Variants in NAE1 observed in about 807,000 individuals in gnomAD.
NAE1 encodes NEDD8-activating enzyme E1 regulatory subunit.
NAE1 carries 59 observed loss-of-function variants against 88.0 expected under a neutral mutation model. The observed-to-expected ratio is 0.67, with a 90% CI of 0.54 to 0.83. The LOEUF (loss-of-function observed/expected upper bound fraction) is 0.83, where lower values mean the gene tolerates loss of function less well. Among genes scored for constraint, NAE1 ranks in the 40% least tolerant of loss-of-function variants. The pLI, the probability that NAE1 is intolerant of heterozygous loss-of-function variation, is 0.00. For synonymous variants in NAE1, 186 were observed against 208.9 expected (o/e 0.89, Z 0.95); for missense variants, 554 against 632.8 (o/e 0.88, Z 1.34).
intron 19 of NAE1, 63 bp from the exon 20 acceptor site, chr16:66,803,181 A>G: frequency 8.9e-7 from 1 of 1,124,290 alleles, no homozygotes; most frequent in Non-Finnish European, 1.3e-6. Flanking sequence ...TACATACTCA[A>G]TTCTGTAAAG....
intron 1 of NAE1, 42 bp downstream of exon 1, chr16:66,830,805 A>AAGCCCGCC (rs1333577616): frequency 6.6e-7 from 1 of 1,504,224 alleles, no homozygotes; most frequent in Non-Finnish European, 8.8e-7. Flanking sequence ...GAATGCTGGA[A>AAGCCCGCC]AGCCCGCCGG....
At position 66,826,721 on chromosome 16, in the gene NAE1, GCATTT is replaced by G. The variant is rs1292455306; in HGVS notation, c.108_112del (p.Ala38SerfsTer5). ...AAGAATTTCAGTTCCTGTGGCTGTT[GCATTT>G]ATTAGGCAAACATGAGCAGATTCTA... On this transcript the variant is annotated frameshift_variant, in exon 2 of 20. Transcript: ENST00000290810. LOFTEE classifies it high-confidence loss of function. The G allele has an allele frequency of 1.9e-6, 3 of 1,613,960 alleles. No homozygotes were observed. The highest frequency in any genetic ancestry group is 2.5e-6 in the Non-Finnish European group (3 of 1,180,008).
rs781707598 is a variant in NAE1 at position 66,830,950 on chromosome 16, C to G, written c.-51G>C. On this transcript the variant is annotated 5_prime_UTR_variant, in exon 1 of 20. Coordinates refer to ENST00000290810, the MANE Select transcript of NAE1 (RefSeq NM_003905.4). The stretch of plus-strand genomic sequence containing the variant: ...GCCGAGCCCCTGCGGAGCGCCGCCA[C>G]CAGCTCCACAAGCGCGCAGGCGCAC... The G allele has an allele frequency of 6.8e-7, 1 of 1,474,132 alleles. No individual in the cohort carries two copies. The highest frequency in any genetic ancestry group is 1.5e-5 in the African/African-American group (1 of 67,772). The allele number at this position is 1,474,132 out of a possible 1,614,324, so 91.3% of individuals were successfully genotyped here.
rs376854256 is a variant in NAE1, at chr16:66,813,696, G to C, written c.902C>G (p.Thr301Ser). The C allele has an allele frequency of 4.3e-6, 7 of 1,612,100 alleles. No homozygotes were observed. Among genetic ancestry groups the C allele is most frequent in the Non-Finnish European group, 5.9e-6 (7 of 1,179,188 alleles). The change falls in exon 13 of 20, where the codon ACT becomes AGT. Residue 301 changes from threonine (T) to serine (S), a missense_variant and splice_region_variant. Physicochemically the swap from Thr to Ser is moderately conservative, Grantham distance 58. Coordinates refer to ENST00000290810, the MANE Select transcript of NAE1 (RefSeq NM_003905.4). ...ACGAGCTAAAATCCAAAATGATGGA[G>C]TCTAAAAGAATAAGAAAAAATTAAC... Reference protein sequence around the residue: ...DDRCINITKQTPSFWILARAL... With the variant: ...DDRCINITKQSPSFWILARAL...
chr16:66,816,625 C>G lies in NAE1; in HGVS notation c.796G>C (p.Glu266Gln). ...NGAPEDEENF[E>Q]EAIKNVNTAL... ...GTGTTCACATTTTTAATAGCTTCTTCAAAATTCTCTTCATCTTCTGGAGCC... is the reference window on the plus strand; with the variant it reads ...GTGTTCACATTTTTAATAGCTTCTTGAAAATTCTCTTCATCTTCTGGAGCC... Residue 266 changes from glutamate (E) to glutamine (Q), a missense_variant, in exon 11 of 20, where the codon GAA (glutamate) becomes CAA (glutamine). By Grantham distance (29) the Glu-to-Gln change is conservative. Transcript: ENST00000290810. 6.2e-7 allele frequency: 1 copy of G among 1,612,360 alleles called. No individual in the cohort carries two copies. The highest frequency in any genetic ancestry group is 1.3e-5 in the African/African-American group (1 of 74,974).
intron 15 of NAE1, 106 bp from the exon 16 acceptor site, chr16:66,809,181 A>G (rs1320745257): frequency 1.4e-6 from 1 of 693,590 alleles, no homozygotes. Flanking sequence ...CTTCTCAGAC[A>G]TGAGAATGTG....
chr16:66,807,402 G>A (rs1959607852), intron 17 of NAE1, among the ~76,000 whole-genome samples: 1 of 152,106 alleles, frequency 6.6e-6, no homozygotes, highest in African/African-American at 2.4e-5. Flanking sequence ...CACTTTGGGA[G>A]GCCAACACAG....
chr16:66,810,331 T>C (rs575694183), intron 15 of NAE1, 43 bp downstream of exon 15: 1 of 1,499,424 alleles, frequency 6.7e-7, no homozygotes. Flanking sequence ...CTGTGGCACA[T>C]TTCTATCAAG....
chr16:66,810,820 A>C (rs1281681112), intron 13 of NAE1, 48 bp from the exon 14 acceptor site: 2 of 1,554,216 alleles, frequency 1.3e-6, no homozygotes, highest in East Asian at 4.5e-5. Flanking sequence ...AAATTAGCAA[A>C]ATTTAAATTG....
chr16:66,810,447 T>A (rs1463019259), intron 14 of NAE1, 34 bp from the exon 15 acceptor site: 2 of 1,568,224 alleles, frequency 1.3e-6, no homozygotes, highest in South Asian at 1.1e-5. Flanking sequence ...CTGTTCCAGT[T>A]TAAAAGAGAA....
At position 66,812,928 on chromosome 16, in the gene NAE1, T is replaced by C. The variant is rs188238388; in HGVS notation, c.1034+636A>G. Among the ~76,000 whole-genome samples the C allele has an allele frequency of 1.9e-3, 293 of 151,676 alleles. 1 individual carries two copies. The highest frequency in any genetic ancestry group is 6.4e-3 in the African/African-American group (266 of 41,280). On this transcript the variant is annotated intron_variant, in intron 13 of 19. Coordinates refer to ENST00000290810, the MANE Select transcript of NAE1 (RefSeq NM_003905.4). ...AGCTCCGCCTCCCGGGTTCACGCTATTCTCCTGCCTCAGCCTCCCGGGTAG... is the reference window on the plus strand; with the variant it reads ...AGCTCCGCCTCCCGGGTTCACGCTACTCTCCTGCCTCAGCCTCCCGGGTAG...
At chr16:66,819,747 T>G (rs2145338232) in intron 7 of NAE1, among the ~76,000 whole-genome samples, 2 of 152,362 alleles carry the variant, frequency 1.3e-5, no homozygotes, top group Middle Eastern at 6.8e-3. Context: ...TTTGGATTTT[T>G]GGATTAAGGA....
chr16:66,806,187 T>C, intron 17 of NAE1, 161 bp from the exon 18 acceptor site: 4 of 798,294 alleles, frequency 5.0e-6, no homozygotes, highest in Non-Finnish European at 7.2e-6. Context: ...ATCACAAACC[T>C]ATAATCAGAG....
intron 19 of NAE1, among the ~76,000 whole-genome samples, chr16:66,804,678 CAT>C (rs1201836729): frequency 6.6e-6 from 1 of 152,060 alleles, no homozygotes; most frequent in East Asian, 1.9e-4. Context: ...CCCTCAAATT[CAT>C]ATGTTGAAAT....
chr16:66,810,962 C>T (rs779709013), intron 13 of NAE1, among the ~76,000 whole-genome samples, 190 bp from the exon 14 acceptor site: 3 of 152,126 alleles, frequency 2.0e-5, no homozygotes, highest in Non-Finnish European at 4.4e-5. Context: ...GTGTTAGTGA[C>T]GGACTCTCAG....
intron 1 of NAE1, among the ~76,000 whole-genome samples, chr16:66,828,490 CAAA>C (rs1323582340): frequency 1.2e-4 from 7 of 60,096 alleles, no homozygotes; most frequent in African/African-American, 2.5e-4. Flanking sequence ...GACTCCGTCT[CAAA>C]AAAAAAAAAA....
At chr16:66,804,839 GAAGA>G (rs1441659307) in intron 19 of NAE1, among the ~76,000 whole-genome samples, 2 of 151,640 alleles carry the variant, frequency 1.3e-5, no homozygotes, top group Non-Finnish European at 1.5e-5. Flanking sequence ...TGAGAACACA[GAAGA>G]GAGAGCTGCC....
intron 5 of NAE1, 95 bp from the exon 6 acceptor site, chr16:66,823,401 TGAG>T: frequency 7.6e-7 from 1 of 1,309,332 alleles, no homozygotes; most frequent in South Asian, 1.3e-5. Context: ...TTACAACAAA[TGAG>T]GCAACAATTC....
intron 6 of NAE1, 81 bp from the exon 7 acceptor site, chr16:66,821,640 G>A (rs1960266123): frequency 8.5e-7 from 1 of 1,181,116 alleles, no homozygotes. Flanking sequence ...ACATGAAAAT[G>A]TCTTACAGCA....
Sources: allele counts gnomAD v4.1 joint callset (sites outside exome capture counted in the v4.1 genomes callset), GRCh38; gene constraint gnomAD v4.1.1; transcripts MANE v1.5; gene names NCBI Gene and HGNC (gene_info 2026-07-23, HGNC 2026-07-21).